MYO16: variants seen among roughly 807,000 people sequenced by gnomAD.
MYO16 encodes unconventional myosin-XVI.
MYO16 carries 94 observed loss-of-function variants against 205.3 expected under a neutral mutation model. The ratio of observed to expected loss-of-function variants is 0.46; its 90% CI spans 0.39 to 0.54. The LOEUF (loss-of-function observed/expected upper bound fraction) is 0.54, where lower values mean the gene tolerates loss of function less well. MYO16 is among the 20% of genes least tolerant of loss of function. MYO16 has a pLI of 0.00. For missense variants in MYO16, 2,315 were observed against 2,387.5 expected, an observed-to-expected ratio of 0.97 and a Z score of 0.63; for synonymous variants, 988 against 954.0, an observed-to-expected ratio of 1.04 and a Z score of -0.66.
chr13:108,775,491 C>T (rs1236589950), intron 4 of MYO16, among the ~76,000 whole-genome samples: 1 of 150,094 alleles, frequency 6.7e-6, no homozygotes, highest in Non-Finnish European at 1.5e-5. Context: ...ATTTGCTATG[C>T]CTGAGTGGTT....
chr13:109,054,384 G>A, intron 25 of MYO16: 2 of 315,190 alleles, frequency 6.3e-6, no homozygotes. Flanking sequence ...TGGTAAGAAA[G>A]CATCAGACCA....
rs540057508 is a variant in MYO16, at chr13:109,039,961, C to T, written c.2797-6955C>T. Among the ~76,000 whole-genome samples the T allele has an allele frequency of 1.2e-4, 19 of 152,046 alleles. No individual in the cohort carries two copies. In the South Asian group the frequency reaches 2.9e-3, roughly 23 times the overall value. On this transcript the variant is annotated intron_variant, in intron 23 of 34. Transcript: ENST00000457511. ...AGTGACAAAGAGAAAATAGAAAATA[C>T]ATAAATAGCCAATATCAGTAATAAA...
chr13:108,797,248 T>G (rs1886822260), intron 6 of MYO16, among the ~76,000 whole-genome samples: 3 of 152,238 alleles, frequency 2.0e-5, no homozygotes, highest in Admixed American at 6.5e-5. Flanking sequence ...TTAGCCATCT[T>G]AATGGAACTG....
At chr13:108,576,497 A>G in the MYO16 span, among the ~76,000 whole-genome samples, 4 of 152,348 alleles carry the variant, frequency 2.6e-5, no homozygotes, top group African/African-American at 9.6e-5. Flanking sequence ...AATAGTAATT[A>G]TATAAAGCAT....
intron 20 of MYO16, among the ~76,000 whole-genome samples, chr13:108,979,179 T>A (rs1884372653): frequency 6.6e-6 from 1 of 152,002 alleles, no homozygotes; most frequent in Non-Finnish European, 1.5e-5. Flanking sequence ...GTTTCAAAAA[T>A]ATATTTTCTG....
intron 24 of MYO16, among the ~76,000 whole-genome samples, chr13:109,051,017 G>A (rs1464254317): frequency 6.6e-6 from 1 of 152,140 alleles, no homozygotes; most frequent in Non-Finnish European, 1.5e-5. Context: ...AGATCTGGAG[G>A]CTGGGTGAGC....
upstream of MYO16, among the ~76,000 whole-genome samples, chr13:108,593,708 A>G (rs570255195): frequency 2.0e-5 from 3 of 152,276 alleles, no homozygotes; most frequent in East Asian, 5.8e-4. Flanking sequence ...AGCTTCACCC[A>G]TGAATCCACT....
At chr13:108,705,143 T>C (rs1459235112) in intron 2 of MYO16, among the ~76,000 whole-genome samples, 2 of 152,200 alleles carry the variant, frequency 1.3e-5, no homozygotes, top group Non-Finnish European at 2.9e-5. Context: ...TTGCACAACA[T>C]TCTGAATAGC....
At chr13:109,142,133 A>C (rs944502553) in intron 32 of MYO16, among the ~76,000 whole-genome samples, 8 of 152,196 alleles carry the variant, frequency 5.3e-5, no homozygotes, top group Non-Finnish European at 8.8e-5. Context: ...GTTTTTTGCC[A>C]GTCTTTTGTA....
intron 27 of MYO16, among the ~76,000 whole-genome samples, chr13:109,076,007 T>C (rs1382534805): frequency 2.0e-5 from 3 of 152,208 alleles, no homozygotes; most frequent in Non-Finnish European, 4.4e-5. Context: ...TTGTAGTTTG[T>C]AGTTTCTGAG....
intron 1 of MYO16, among the ~76,000 whole-genome samples, chr13:108,645,358 G>C (rs1174888752): frequency 6.6e-6 from 1 of 152,164 alleles, no homozygotes; most frequent in Non-Finnish European, 1.5e-5. Flanking sequence ...TTCTTTTCTT[G>C]ATTCCCCAGT....
intron 4 of MYO16, among the ~76,000 whole-genome samples, chr13:108,747,365 C>T (rs370782009): frequency 4.6e-5 from 7 of 152,188 alleles, no homozygotes; most frequent in East Asian, 3.9e-4. Context: ...ATAAGTAAAA[C>T]GAATGACTGT....
At chr13:108,781,370 G>C (rs552369147) in intron 4 of MYO16, among the ~76,000 whole-genome samples, 1 of 152,336 alleles carries the variant, frequency 6.6e-6, no homozygotes, top group Admixed American at 6.5e-5. Flanking sequence ...ATGGCAGATA[G>C]CTGAAAGAAC....
chr13:108,746,384 T>C (rs1224005767), intron 4 of MYO16, among the ~76,000 whole-genome samples: 1 of 152,068 alleles, frequency 6.6e-6, no homozygotes, highest in East Asian at 1.9e-4. Context: ...AGGTTTGACA[T>C]GTGTAATGGG....
chr13:108,583,919 G>C, the MYO16 span, among the ~76,000 whole-genome samples: 1 of 152,112 alleles, frequency 6.6e-6, no homozygotes, highest in South Asian at 2.1e-4. Flanking sequence ...TCCAAAGCAA[G>C]GAGTGTATCT....
intron 13 of MYO16, among the ~76,000 whole-genome samples, chr13:108,887,999 G>A (rs2139179721): frequency 6.6e-6 from 1 of 152,156 alleles, no homozygotes; most frequent in Non-Finnish European, 1.5e-5. Flanking sequence ...GAGTCAAGTT[G>A]GTTATGTCTT....
intron 20 of MYO16, among the ~76,000 whole-genome samples, chr13:108,979,600 A>G (rs1884385973): frequency 6.6e-6 from 1 of 152,076 alleles, no homozygotes; most frequent in East Asian, 1.9e-4. Context: ...TATTACCATG[A>G]CAACCCAAAC....
intron 27 of MYO16, among the ~76,000 whole-genome samples, chr13:109,092,178 C>G (rs1888644066): frequency 6.6e-6 from 1 of 152,134 alleles, no homozygotes; most frequent in Non-Finnish European, 1.5e-5. Context: ...CAATATTTAA[C>G]AAACAAAGAC....
At chr13:108,869,731 T>TAA (rs68025820) in intron 12 of MYO16, among the ~76,000 whole-genome samples, 9,024 of 66,512 alleles carry the variant, frequency 0.14, 1,039 homozygotes, top group Non-Finnish European at 0.17. Flanking sequence ...ACTCCGTTTC[T>TAA]AAAAAAAAAA....
Sources: gnomAD v4.1 joint callset for allele counts (sites outside exome capture counted in the v4.1 genomes callset) on GRCh38, gnomAD v4.1.1 for gene constraint, MANE v1.5 for transcripts, NCBI Gene and HGNC (gene_info 2026-07-23, HGNC 2026-07-21) for gene names.